Variants in KATNBL1 observed in about 807,000 individuals in gnomAD.
KATNBL1 encodes the protein KATNB1-like protein 1.
KATNBL1 carries 28 observed loss-of-function variants against 44.7 expected under a neutral mutation model. The ratio of observed to expected loss-of-function variants is 0.63; its 90% CI spans 0.46 to 0.86. The LOEUF (loss-of-function observed/expected upper bound fraction) is 0.86. KATNBL1 is among the 40% of genes least tolerant of loss of function. The pLI, the probability that KATNBL1 is intolerant of heterozygous loss-of-function variation, is 0.00. For missense variants in KATNBL1, 272 were observed against 350.7 expected (o/e 0.78, Z 1.79); for synonymous variants, 78 against 114.9 (o/e 0.68, Z 2.06).
intron 1 of KATNBL1, among the ~76,000 whole-genome samples, chr15:34,207,098 G>C (rs368960218): frequency 8.0e-5 from 12 of 150,378 alleles, no homozygotes; most frequent in African/African-American, 2.7e-4. Flanking sequence ...GGAGTGCAGT[G>C]ATATGATCAT....
chr15:34,159,731 T>C (rs1888740942), intron 2 of KATNBL1, among the ~76,000 whole-genome samples: 1 of 152,174 alleles, frequency 6.6e-6, no homozygotes, highest in African/African-American at 2.4e-5. Flanking sequence ...TTTCCATGAT[T>C]GATTTGGAGG....
At chr15:34,206,961 TATA>T (rs770497404) in intron 1 of KATNBL1, among the ~76,000 whole-genome samples, 50 of 151,894 alleles carry the variant, frequency 3.3e-4, no homozygotes, top group Non-Finnish European at 5.9e-4. Flanking sequence ...GATCAACAAA[TATA>T]ATGATTGATA....
intron 1 of KATNBL1, among the ~76,000 whole-genome samples, chr15:34,173,122 A>C (rs1001820129): frequency 1.1e-4 from 16 of 152,024 alleles, no homozygotes; most frequent in South Asian, 2.1e-4. Context: ...GAAAAAAAAA[A>C]CCAGAAGACT....
intron 1 of KATNBL1, among the ~76,000 whole-genome samples, chr15:34,180,032 T>C (rs1015639888): frequency 1.3e-5 from 2 of 152,198 alleles, no homozygotes; most frequent in African/African-American, 4.8e-5. Flanking sequence ...ATTTTCTCAG[T>C]TCTTGCTTTC....
chr15:34,143,054 T>C (rs74482733), intron 9 of KATNBL1: 168,161 of 1,241,310 alleles, frequency 0.14, 12,966 homozygotes, highest in Middle Eastern at 0.28. Context: ...AATTAATTGA[T>C]GGTTTAATTT....
chr15:34,191,027 T>C (rs1889856062), intron 1 of KATNBL1, among the ~76,000 whole-genome samples: 1 of 152,014 alleles, frequency 6.6e-6, no homozygotes, highest in African/African-American at 2.4e-5. Flanking sequence ...CTAAATGCAA[T>C]GTTTGGATGT....
intron 1 of KATNBL1, among the ~76,000 whole-genome samples, chr15:34,184,186 G>C (rs984552835): frequency 2.6e-5 from 4 of 151,996 alleles, no homozygotes; most frequent in Non-Finnish European, 5.9e-5. Flanking sequence ...GGCGCCTGTA[G>C]TCCCAGCTAC....
At chr15:34,191,947 C>T (rs1889885796) in intron 1 of KATNBL1, among the ~76,000 whole-genome samples, 2 of 119,188 alleles carry the variant, frequency 1.7e-5, no homozygotes, top group African/African-American at 3.6e-5. Context: ...CAGTGAGACT[C>T]CATCTCAAAA....
intron 1 of KATNBL1, chr15:34,199,976 GA>G (rs1320544643): frequency 2.0e-5 from 3 of 151,478 alleles, no homozygotes; most frequent in Non-Finnish European, 4.4e-5. Flanking sequence ...ACAGAGTGCT[GA>G]TTGGTCCACT....
chr15:34,149,880 AAAC>A (rs1208315790), intron 4 of KATNBL1, among the ~76,000 whole-genome samples: 4 of 152,354 alleles, frequency 2.6e-5, no homozygotes, highest in South Asian at 2.1e-4. Flanking sequence ...CATCTCTTAA[AAAC>A]AACAACAAAA....
At chr15:34,163,036 G>A (rs1888854185) in intron 2 of KATNBL1, among the ~76,000 whole-genome samples, 1 of 135,260 alleles carries the variant, frequency 7.4e-6, no homozygotes, top group Non-Finnish European at 1.6e-5. Context: ...ACAGCATACT[G>A]ACTAAAAACT....
intron 1 of KATNBL1, among the ~76,000 whole-genome samples, chr15:34,189,424 A>C (rs1889812540): frequency 6.6e-6 from 1 of 152,224 alleles, no homozygotes; most frequent in Non-Finnish European, 1.5e-5. Context: ...TCTAACATCA[A>C]ATAAGTCTAA....
chr15:34,205,551 G>A (rs1465634514), intron 1 of KATNBL1, among the ~76,000 whole-genome samples: 2 of 152,096 alleles, frequency 1.3e-5, no homozygotes, highest in Non-Finnish European at 2.9e-5. Flanking sequence ...GGCAGTAATC[G>A]CTTAATAGTT....
intron 3 of KATNBL1, among the ~76,000 whole-genome samples, chr15:34,154,083 A>G (rs888940469): frequency 2.6e-5 from 4 of 152,222 alleles, no homozygotes; most frequent in Non-Finnish European, 4.4e-5. Context: ...AACAAAAGAC[A>G]GCTGGGTTCT....
chr15:34,151,664 C>T (rs567548251), intron 4 of KATNBL1, among the ~76,000 whole-genome samples: 1 of 151,908 alleles, frequency 6.6e-6, no homozygotes, highest in Non-Finnish European at 1.5e-5. Flanking sequence ...GTTGGCCAGG[C>T]GAGTCTTGAA....
At chr15:34,172,417 T>C (rs57699120) in intron 1 of KATNBL1, among the ~76,000 whole-genome samples, 26,792 of 151,764 alleles carry the variant, frequency 0.18, 2,640 homozygotes, top group Middle Eastern at 0.3. Context: ...TCACCATGCC[T>C]GGCTAATTTC....
At chr15:34,208,153 C>T (rs1014511849) in intron 1 of KATNBL1, among the ~76,000 whole-genome samples, 1 of 151,996 alleles carries the variant, frequency 6.6e-6, no homozygotes, top group Admixed American at 6.6e-5. Flanking sequence ...TTACATGAAT[C>T]AGTTCTTCAG....
At chr15:34,207,734 G>A (rs1890332128) in intron 1 of KATNBL1, among the ~76,000 whole-genome samples, 2 of 152,180 alleles carry the variant, frequency 1.3e-5, no homozygotes, top group Admixed American at 1.3e-4. Flanking sequence ...CCAAGTAGCT[G>A]GGACTACAGA....
chr15:34,186,587 C>A (rs904254750), intron 1 of KATNBL1, among the ~76,000 whole-genome samples: 4 of 152,216 alleles, frequency 2.6e-5, no homozygotes, highest in Admixed American at 2.6e-4. Flanking sequence ...GGTGGGAGCT[C>A]CCCTGTGCAG....
Sources: gnomAD v4.1 joint callset for allele counts (sites outside exome capture counted in the v4.1 genomes callset) on GRCh38, gnomAD v4.1.1 for gene constraint, MANE v1.5 for transcripts, NCBI Gene and HGNC (gene_info 2026-07-23, HGNC 2026-07-21) for gene names.